The following SH3GL1 variants were observed in gnomAD, a reference collection of about 807,000 sequenced individuals.
SH3GL1 encodes endophilin-A2.
In SH3GL1, 21 loss-of-function variants were observed where a neutral mutation model predicts 48.8. The ratio of observed to expected loss-of-function variants is 0.43; its 90% confidence interval spans 0.30 to 0.62. The LOEUF (loss-of-function observed/expected upper bound fraction) is 0.62, where lower values mean the gene tolerates loss of function less well. Among genes scored for constraint, SH3GL1 ranks in the 20% least tolerant of loss-of-function variants. The pLI is 0.11. For missense variants in SH3GL1, 454 were observed against 503.0 expected (o/e 0.90, Z 0.93); for synonymous variants, 282 against 217.5 (o/e 1.30, Z -2.61).
intron 1 of SH3GL1, chr19:4,395,421 TTC>T (rs1249965924): frequency 6.6e-6 from 1 of 152,210 alleles, no homozygotes; most frequent in Non-Finnish European, 1.5e-5. Flanking sequence ...GTCATGTATG[TTC>T]TGTGTTTCTC....
intron 1 of SH3GL1, among the ~76,000 whole-genome samples, chr19:4,381,841 C>A (rs1275786484): frequency 1.3e-5 from 2 of 151,134 alleles, no homozygotes; most frequent in African/African-American, 4.9e-5. Flanking sequence ...TACAGGCACC[C>A]GCCGCCACGC....
intron 1 of SH3GL1, among the ~76,000 whole-genome samples, chr19:4,373,461 G>A (rs978651568): frequency 2.0e-5 from 3 of 152,196 alleles, no homozygotes; most frequent in Non-Finnish European, 2.9e-5. Context: ...CTTTGGGAAC[G>A]GAGGCACTGA....
chr19:4,398,121 A>G (rs139958713), intron 1 of SH3GL1, among the ~76,000 whole-genome samples: 2 of 152,252 alleles, frequency 1.3e-5, no homozygotes, highest in East Asian at 3.9e-4. Flanking sequence ...CTGGGATTAC[A>G]GGCATGAGCC....
intron 9 of SH3GL1, among the ~76,000 whole-genome samples, chr19:4,362,102 C>T (rs1972633749): frequency 6.6e-6 from 1 of 152,248 alleles, no homozygotes; most frequent in African/African-American, 2.4e-5. Flanking sequence ...CACCACACAG[C>T]CTAGAGCTAG....
At position 4,372,129 on chromosome 19, in the gene SH3GL1, T is replaced by G. The variant is rs377359464; in HGVS notation, c.46-5135A>C. 2.2e-4 allele frequency among the ~76,000 whole-genome samples: 34 copies of G among 152,284 alleles called. No homozygotes were observed. In the South Asian group the frequency reaches 5.4e-3, roughly 24 times the overall value. ...GGCCAAGGCCATACATTTACAGGAC[T>G]AGGGGACAACAGCCCCAGGACAAAG... On this transcript the variant is annotated intron_variant, in intron 1 of 9. Transcript: ENST00000269886.
chr19:4,365,701 TCTC>T (rs974658697), intron 3 of SH3GL1, 76 bp from the exon 4 acceptor site: 32 of 1,589,070 alleles, frequency 2.0e-5, no homozygotes, highest in Admixed American at 8.3e-5. Flanking sequence ...AGCCCCCACA[TCTC>T]CTCCCCACCC....
intron 1 of SH3GL1, among the ~76,000 whole-genome samples, chr19:4,397,268 G>A (rs980032022): frequency 1.3e-5 from 2 of 152,202 alleles, no homozygotes; most frequent in African/African-American, 4.8e-5. Flanking sequence ...CGACAGCCCC[G>A]AGGGTGGGCT....
Position 4,400,398 on chromosome 19 carries a change from G to A in SH3GL1, c.-30C>T. 1.9e-6 allele frequency: 3 copies of A among 1,568,386 alleles called. No individual in the cohort carries two copies. Among genetic ancestry groups the A allele is most frequent in the East Asian group, 2.5e-5 (1 of 39,948 alleles). On this transcript the variant is annotated 5_prime_UTR_variant, in exon 1 of 10. Coordinates refer to ENST00000269886, the MANE Select transcript of SH3GL1 (RefSeq NM_003025.4). This position sits in a 1 kb window ranked among gnomAD's most constrained non-coding sequence, Gnocchi z 4.1. The stretch of plus-strand genomic sequence containing the variant: ...CCGCCCGCCGCCGAGCCTCCCGCCC[G>A]GACCGCGCCAGCGACAGGCTCCCGG...
intron 1 of SH3GL1, among the ~76,000 whole-genome samples, chr19:4,387,750 C>T (rs996941997): frequency 6.6e-6 from 1 of 152,108 alleles, no homozygotes; most frequent in African/African-American, 2.4e-5. Flanking sequence ...GTGGTGCTAT[C>T]TTGGCTCAAG....
At chr19:4,387,037 C>T (rs1019349355) in intron 1 of SH3GL1, among the ~76,000 whole-genome samples, 10 of 151,540 alleles carry the variant, frequency 6.6e-5, no homozygotes, top group Non-Finnish European at 1.3e-4. Context: ...CCCGGGTTCA[C>T]GCCATACTCC....
chr19:4,384,997 G>A (rs556767293), intron 1 of SH3GL1, among the ~76,000 whole-genome samples: 6 of 152,050 alleles, frequency 3.9e-5, no homozygotes, highest in South Asian at 2.1e-4. Flanking sequence ...CCAGCTACTC[G>A]GGAGGCTGAG....
rs1973505103 is a variant in SH3GL1 at position 4,400,493 on chromosome 19, C to T, written c.-125G>A. ...GCCTCCGCCACCCGCTTGCCAGCTC[C>T]GCGCCCGCCCCGGCGCCGCCTCAGC... On this transcript the variant is annotated 5_prime_UTR_variant, in exon 1 of 10. Coordinates refer to ENST00000269886, the MANE Select transcript of SH3GL1 (RefSeq NM_003025.4). The surrounding 1 kb of genome is among the most constrained non-coding windows in gnomAD (Gnocchi z 4.1). The T allele has an allele frequency of 3.7e-6, 3 of 813,748 alleles. No homozygotes were observed. The highest frequency in any genetic ancestry group is 4.6e-6 in the Non-Finnish European group (3 of 650,394). The allele number at this position is 813,748 out of a possible 1,614,324, so 50.4% of individuals were successfully genotyped here. A position where few individuals can be genotyped will look rare whatever the true frequency, so the allele number is the denominator to read the frequency against.
At position 4,361,706 on chromosome 19, in the gene SH3GL1, G is replaced by A. The variant is rs751507640; in HGVS notation, c.1001C>T (p.Thr334Met). 45 of 1,613,118 alleles carry A rather than the reference G, an allele frequency of 2.8e-5. 1 individual carries two copies. In the East Asian group the frequency reaches 6.2e-4, roughly 22 times the overall value. ...GTTCTCATCGATCTGGTTGGTCAGC[G>A]TGATGACGTCGCCCTCATGGAAGCC... ...ELGFHEGDVI[T>M]LTNQIDENWY... Residue 334 changes from threonine (T) to methionine (M), a missense_variant, in exon 10 of 10, where the codon ACG becomes ATG. Around this residue, in one of 2 missense-constraint regions of SH3GL1, gnomAD observed 278 missense variants for 246.8 expected, o/e 1.13. Coordinates refer to ENST00000269886, the MANE Select transcript of SH3GL1 (RefSeq NM_003025.4).
At chr19:4,396,588 A>C (rs913272640) in intron 1 of SH3GL1, among the ~76,000 whole-genome samples, 3 of 152,172 alleles carry the variant, frequency 2.0e-5, no homozygotes, top group Non-Finnish European at 4.4e-5. Context: ...ACCTGGCCAA[A>C]CTAGGAAAAT....
Position 4,400,255 on chromosome 19 carries a change from T to A in SH3GL1, c.45+69A>T. 6.6e-7 allele frequency: 1 copy of A among 1,526,250 alleles called. No homozygotes were observed. The allele number at this position is 1,526,250 out of a possible 1,614,324, so 94.5% of individuals were successfully genotyped here. A position where few individuals can be genotyped will look rare whatever the true frequency, so the allele number is the denominator to read the frequency against. ...CCCCCCGGCCCCCTCCCGGGCCAGG[T>A]CGGGCCTGGCTCCCTCATCCGGGCA... On this transcript the variant is annotated intron_variant, in intron 1 of 9. Coordinates refer to ENST00000269886, the MANE Select transcript of SH3GL1 (RefSeq NM_003025.4). The surrounding 1 kb of genome is among the most constrained non-coding windows in gnomAD (Gnocchi z 4.1).
intron 1 of SH3GL1, among the ~76,000 whole-genome samples, chr19:4,394,223 C>T (rs777586364): frequency 6.6e-6 from 1 of 150,992 alleles, no homozygotes; most frequent in African/African-American, 2.4e-5. Context: ...CAAGATTTAT[C>T]AGGAAGCCAG....
intron 1 of SH3GL1, among the ~76,000 whole-genome samples, chr19:4,368,733 G>A (rs1599597152): frequency 6.6e-6 from 1 of 152,164 alleles, no homozygotes; most frequent in South Asian, 2.1e-4. Flanking sequence ...CCTGTGGGTT[G>A]GTGGCTCTCA....
intron 1 of SH3GL1, among the ~76,000 whole-genome samples, chr19:4,371,403 T>C (rs1972897383): frequency 6.6e-6 from 1 of 152,226 alleles, no homozygotes; most frequent in South Asian, 2.1e-4. Context: ...TTCCGAATCC[T>C]GCCGAGTGGA....
Position 4,361,604 on chromosome 19 carries a change from T to TGC in SH3GL1, c.1101_1102dup (p.Gln368ArgfsTer107). ...CGGGGCGGGGACACGGGTGAGTCAC[T>TGC]GCGGCAGGGGCACAAGCACCTCCAC... On this transcript the variant is annotated frameshift_variant, in exon 10 of 10. Coordinates refer to ENST00000269886, the MANE Select transcript of SH3GL1 (RefSeq NM_003025.4). LOFTEE classifies it high-confidence loss of function. 1 of 1,596,484 alleles carries TGC rather than the reference T, an allele frequency of 6.3e-7. No homozygotes were observed. The highest frequency in any genetic ancestry group is 8.5e-7 in the Non-Finnish European group (1 of 1,174,904).
Sources: gnomAD v4.1 joint callset for allele counts (sites outside exome capture counted in the v4.1 genomes callset) on GRCh38, gnomAD v4.1.1 for gene constraint, gnomAD v4.1.1 regional missense constraint, Gnocchi (gnomAD v3.1) non-coding constraint, MANE v1.5 for transcripts, NCBI Gene and HGNC (gene_info 2026-07-23, HGNC 2026-07-21) for gene names.